The following NBPF20 variants were observed in gnomAD, a reference collection of about 807,000 sequenced individuals.
NBPF20 encodes the protein NBPF member 20.
NBPF20 carries 90 observed loss-of-function variants against 68.1 expected under a neutral mutation model. The observed-to-expected ratio is 1.32, with a 90% CI of 1.11 to 1.58. NBPF20 has a LOEUF of 1.58. NBPF20 is among the 40% of genes most tolerant of loss of function. The probability of loss-of-function intolerance (pLI) is 0.00; values close to 1 mark genes in which losing one functional copy is unlikely to be tolerated. For synonymous variants in NBPF20, 290 were observed against 228.1 expected, an observed-to-expected ratio of 1.27 and a Z score of -2.45; for missense variants, 816 against 601.2, an observed-to-expected ratio of 1.36 and a Z score of -3.74.
exon 2 of NBPF20, chr1:145,405,210 G>C: frequency 6.4e-7 from 1 of 1,550,992 alleles, no homozygotes; most frequent in Non-Finnish European, 8.8e-7. Context: ...GCAATTTCTC[G>C]TTGATTTCTA....
rs1489287164 is a variant in NBPF20 at position 145,291,781 on chromosome 1, G to A, written c.16698-12C>T. ...GCACGCCGTTGAGCCTGGAAAAGGAGACAAAACTAAAGAAGCAGCCAGGGA... is the reference window on the plus strand; with the variant it reads ...GCACGCCGTTGAGCCTGGAAAAGGAAACAAAACTAAAGAAGCAGCCAGGGA... On this transcript the variant is annotated splice_polypyrimidine_tract_variant and intron_variant, in intron 137 of 137. Coordinates refer to ENST00000369373, the Ensembl canonical transcript of NBPF20. 14 of 1,611,666 alleles carry A rather than the reference G, an allele frequency of 8.7e-6. No homozygotes were observed. Among genetic ancestry groups the A allele is most frequent in the Middle Eastern group, 2.2e-4 (1 of 4,452 alleles).
At chr1:145,298,373 C>T (rs1233204377) in intron 129 of NBPF20, among the ~76,000 whole-genome samples, 1 of 143,876 alleles carries the variant, frequency 7.0e-6, no homozygotes, top group Non-Finnish European at 1.5e-5. Context: ...CACACACAGA[C>T]ACACACACAC....
At position 145,400,860 on chromosome 1, in the gene NBPF20, A is replaced by T. The variant is rs1255112114; in HGVS notation, c.566+199T>A. 2.0e-5 allele frequency among the ~76,000 whole-genome samples: 3 copies of T among 151,876 alleles called. No homozygotes were observed. The East Asian group carries it at 5.8e-4, about 29-fold the overall frequency. On this transcript the variant is annotated intron_variant, in intron 5 of 137. Coordinates refer to ENST00000369373, the Ensembl canonical transcript of NBPF20. ...AGGATGAAGACTCAGCTATCCCTGTACGGTGCAGACGTGACACTCGGCACA... is the reference window on the plus strand; with the variant it reads ...AGGATGAAGACTCAGCTATCCCTGTTCGGTGCAGACGTGACACTCGGCACA...
chr1:145,411,564 G>T, the NBPF20 span, among the ~76,000 whole-genome samples: 1 of 80,388 alleles, frequency 1.2e-5, no homozygotes. Flanking sequence ...CTAATTTTTT[G>T]TATTTTTAGT....
chr1:145,409,959 C>A (rs587732196), upstream of NBPF20, among the ~76,000 whole-genome samples: 1 of 151,910 alleles, frequency 6.6e-6, no homozygotes, highest in Non-Finnish European at 1.5e-5. Flanking sequence ...TGTCTCGTTA[C>A]GGAGCCACGA....
chr1:145,407,361 GCACACGTATATATATATAATATATATA>G (rs1662835631), upstream of NBPF20, among the ~76,000 whole-genome samples: 1 of 139,484 alleles, frequency 7.2e-6, no homozygotes, highest in Non-Finnish European at 1.5e-5. Flanking sequence ...AACCAACATG[GCACACGTATATATATATAATATATATA>G]CACGTGTATA....
chr1:145,404,811 G>A lies in NBPF20; in HGVS notation c.175+287C>T, dbSNP rs1472366803. ...CTTATATGGTACAGAGAGGATTCTT[G>A]AAAACATGATTGAGCCTCTTGGAGA... On this transcript the variant is annotated intron_variant, in intron 2 of 137. Transcript: ENST00000369373. 9.3e-5 allele frequency among the ~76,000 whole-genome samples: 14 copies of A among 151,126 alleles called. No homozygotes were observed. In the East Asian group the frequency reaches 1.3e-3, roughly 15 times the overall value.
At position 145,292,598 on chromosome 1, in the gene NBPF20, T is replaced by C. The variant is rs1228173429; in HGVS notation, c.16589-109A>G. ...GACCTCAGGCTCCCCAGCATAAGAA[T>C]AGGACACTTTGAGAGATATATTTCA... On this transcript the variant is annotated intron_variant, in intron 136 of 137. Coordinates refer to ENST00000369373, the Ensembl canonical transcript of NBPF20. 29 of 747,474 alleles carry C rather than the reference T, an allele frequency of 3.9e-5. 1 individual carries two copies. Among genetic ancestry groups the C allele is most frequent in the Non-Finnish European group, 5.3e-5 (22 of 414,760 alleles). The allele number at this position is 747,474 out of a possible 1,614,324, so 46.3% of individuals were successfully genotyped here.
upstream of NBPF20, among the ~76,000 whole-genome samples, chr1:145,406,643 T>C (rs1263976983): frequency 6.7e-6 from 1 of 149,796 alleles, no homozygotes; most frequent in South Asian, 2.1e-4. Flanking sequence ...TGTAGTGATA[T>C]CATAAAATTT....
chr1:145,410,804 GTA>G, the NBPF20 span, among the ~76,000 whole-genome samples: 1 of 72,990 alleles, frequency 1.4e-5, no homozygotes, highest in Non-Finnish European at 2.9e-5. Context: ...ATACGTATAT[GTA>G]TATATATACG....
At chr1:145,408,367 C>CT, upstream of NBPF20, among the ~76,000 whole-genome samples, 1 of 151,994 alleles carries the variant, frequency 6.6e-6, no homozygotes, top group African/African-American at 2.4e-5. Flanking sequence ...GGCTGGAAAA[C>CT]TTTTTTGTTT....
intron 2 of NBPF20, among the ~76,000 whole-genome samples, chr1:145,404,504 G>A (rs587659386): frequency 5.3e-5 from 8 of 152,154 alleles, no homozygotes; most frequent in Admixed American, 1.3e-4. Context: ...TGCTCTGCCC[G>A]CCTCAGCCTC....
At chr1:145,394,872 C>T (rs1461134479) in intron 8 of NBPF20, 106 bp downstream of exon 13, 196 of 1,577,840 alleles carry the variant, frequency 1.2e-4, no homozygotes, top group Admixed American at 6.3e-4. Context: ...GTTCAGCCCA[C>T]GGTGATGGCA....
At chr1:145,406,125 C>T (rs1163148821), upstream of NBPF20, among the ~76,000 whole-genome samples, 7 of 131,526 alleles carry the variant, frequency 5.3e-5, no homozygotes, top group African/African-American at 8.8e-5. Flanking sequence ...TTAGTAGAGA[C>T]GGGGTTTCAC....
exon 138 of NBPF20, chr1:145,290,306 C>A (rs2101371706): frequency 6.7e-6 from 1 of 149,210 alleles, no homozygotes; most frequent in East Asian, 1.9e-4. Context: ...CTAAAAGGGA[C>A]AGATCTCCTA....
At chr1:145,410,458 G>A (rs1414896123), upstream of NBPF20, among the ~76,000 whole-genome samples, 2 of 149,710 alleles carry the variant, frequency 1.3e-5, no homozygotes, top group African/African-American at 2.4e-5. Context: ...AGGACTACAG[G>A]CGCCCGCCAC....
chr1:145,342,826 T>G, intron 73 of NBPF20, among the ~76,000 whole-genome samples: 1 of 90,316 alleles, frequency 1.1e-5, no homozygotes, highest in African/African-American at 5.0e-5. Context: ...GAGAACGAGC[T>G]CAGTGAATTG....
chr1:145,415,973 A>C, the NBPF20 span, among the ~76,000 whole-genome samples: 1 of 147,368 alleles, frequency 6.8e-6, no homozygotes, highest in East Asian at 2.1e-4. Flanking sequence ...TCTACCAAAA[A>C]TACAAACATT....
the NBPF20 span, among the ~76,000 whole-genome samples, chr1:145,423,488 T>C: frequency 6.8e-6 from 1 of 147,734 alleles, no homozygotes; most frequent in Non-Finnish European, 1.5e-5. Flanking sequence ...ATAAGCACCA[T>C]TAAAAGAGCG....
Sources: gnomAD v4.1 joint callset for allele counts (sites outside exome capture counted in the v4.1 genomes callset) on GRCh38, gnomAD v4.1.1 for gene constraint, MANE v1.5 for transcripts, NCBI Gene and HGNC (gene_info 2026-07-23, HGNC 2026-07-21) for gene names.